Variants in SRCIN1 observed in about 807,000 individuals in gnomAD.
SRCIN1 encodes the protein P130Cas-associated protein.
SRCIN1 carries 50 observed loss-of-function variants against 116.2 expected under a neutral mutation model. That is an observed-to-expected ratio of 0.43 (90% CI 0.34 to 0.54). The LOEUF (loss-of-function observed/expected upper bound fraction) is 0.54. SRCIN1 is among the 20% of genes least tolerant of loss of function. SRCIN1 has a pLI of 0.02. For synonymous variants in SRCIN1, 736 were observed against 750.0 expected (o/e 0.98, Z 0.30); for missense variants, 1,446 against 1,672.0 (o/e 0.86, Z 2.36).
In SRCIN1 at chr17:38,552,587, G is replaced by A. The variant is rs200106879; in HGVS notation, c.2340C>T (p.Phe780=). Residue 780 remains phenylalanine (F), a synonymous_variant, in exon 13 of 19, where the codon TTC becomes TTT. Coordinates refer to ENST00000617146, the MANE Select transcript of SRCIN1 (RefSeq NM_025248.3). This position sits in a 1 kb window ranked among gnomAD's most constrained non-coding sequence, Gnocchi z 5.3. ...GETLTELKAH[F]PGLQSKMRVV... is the part of the protein sequence containing the mutation. ...CCCGCATCTTGCTCTGCAGGCCCGG[G>A]AAGTGAGCTGAGGAGACAGGAAGGC... 4 of 1,612,160 alleles carry A rather than the reference G, an allele frequency of 2.5e-6. No homozygotes were observed. Among genetic ancestry groups the A allele is most frequent in the African/African-American group, 1.3e-5 (1 of 75,018 alleles).
At chr17:38,539,073 G>C (rs1904566885) in intron 18 of SRCIN1, among the ~76,000 whole-genome samples, 1 of 152,138 alleles carries the variant, frequency 6.6e-6, no homozygotes, top group South Asian at 2.1e-4. Flanking sequence ...CCTGGATTGG[G>C]CCTGATTGGT....
rs1448467391 is a variant in SRCIN1, at chr17:38,531,785, C to T, written c.*1512G>A. On this transcript the variant is annotated 3_prime_UTR_variant, in exon 19 of 19. Coordinates refer to ENST00000617146, the MANE Select transcript of SRCIN1 (RefSeq NM_025248.3). ...CAGCTCTCCCCAGGTGCGGACCTTCCCCAGCCAGGCCCCAGGGTCTGGGGG... is the reference window on the plus strand; with the variant it reads ...CAGCTCTCCCCAGGTGCGGACCTTCTCCAGCCAGGCCCCAGGGTCTGGGGG... The T allele has an allele frequency of 6.6e-6, 1 of 152,612 alleles. No homozygotes were observed. The highest frequency in any genetic ancestry group is 1.5e-5 in the Non-Finnish European group (1 of 68,048). 9.5% of individuals were successfully genotyped at this position (152,612 alleles called of 1,614,324 possible). A position where few individuals can be genotyped will look rare whatever the true frequency, so the allele number is the denominator to read the frequency against.
In SRCIN1 at chr17:38,563,647, C is replaced by G. The variant is rs1906452052; in HGVS notation, c.542-126G>C. On this transcript the variant is annotated intron_variant, in intron 4 of 18. Transcript: ENST00000617146. This position sits in a 1 kb window ranked among gnomAD's most constrained non-coding sequence, Gnocchi z 5.8. ...GCAGGGTCTGAGGCTAGACGCCGCC[C>G]CCGAGTGCAGATGCACCCAGGCACC... The G allele has an allele frequency of 1.5e-6, 2 of 1,327,508 alleles. No homozygotes were observed. The highest frequency in any genetic ancestry group is 2.5e-5 in the East Asian group (1 of 39,904). The allele number at this position is 1,327,508 out of a possible 1,614,324, so 82.2% of individuals were successfully genotyped here. A position where few individuals can be genotyped will look rare whatever the true frequency, so the allele number is the denominator to read the frequency against.
chr17:38,561,444 C>G lies in SRCIN1; in HGVS notation c.1700+19G>C, dbSNP rs1906231740. Reference sequence around the variant, plus strand: ...CACCCCCCACCCCCAGTCCCTGAGGCCTGGTTAACGTCCCTCACCTGGTCT... The same window carrying G: ...CACCCCCCACCCCCAGTCCCTGAGGGCTGGTTAACGTCCCTCACCTGGTCT... On this transcript the variant is annotated intron_variant, in intron 7 of 18. Transcript: ENST00000617146. The G allele has an allele frequency of 1.3e-6, 2 of 1,512,298 alleles. No individual in the cohort carries two copies. Among genetic ancestry groups the G allele is most frequent in the Non-Finnish European group, 1.8e-6 (2 of 1,137,426 alleles). 93.7% of individuals were successfully genotyped at this position (1,512,298 alleles called of 1,614,324 possible).
In SRCIN1 at chr17:38,560,390, C is replaced by G. The variant is rs766206244; in HGVS notation, c.1736G>C (p.Ser579Thr). 6.2e-7 allele frequency: 1 copy of G among 1,612,046 alleles called. No homozygotes were observed. Among genetic ancestry groups the G allele is most frequent in the East Asian group, 2.2e-5 (1 of 44,864 alleles). Residue 579 changes from serine (S) to threonine (T), a missense_variant, in exon 8 of 19, where the codon AGC (serine) becomes ACC (threonine). Coordinates refer to ENST00000617146, the MANE Select transcript of SRCIN1 (RefSeq NM_025248.3). The part of the protein sequence containing the change: ...RMEAMEKQIA[S>T]LTGLVQSALL... ...GGCGCTCTGCACCAGGCCTGTGAGG[C>G]TGGCAATCTGCTTCTCCATGGCCTC...
chr17:38,553,072 T>C (rs77423210), intron 11 of SRCIN1, among the ~76,000 whole-genome samples: 4,248 of 152,020 alleles, frequency 0.028, 221 homozygotes, highest in African/African-American at 0.097. Context: ...CTGGGCAACA[T>C]AGGGAGACCT....
Position 38,561,991 on chromosome 17 carries a change from T to C in SRCIN1, c.1172A>G (p.Lys391Arg). 2 of 1,493,986 alleles carry C rather than the reference T, an allele frequency of 1.3e-6. No homozygotes were observed. Among genetic ancestry groups the C allele is most frequent in the Admixed American group, 2.2e-5 (1 of 45,248 alleles). 92.5% of individuals were successfully genotyped at this position (1,493,986 alleles called of 1,614,324 possible). A position where few individuals can be genotyped will look rare whatever the true frequency, so the allele number is the denominator to read the frequency against. ...GGGGTCAGCATAGAGGCCCTCGCCT[T>C]TCACCAGCACCATGCCGCCCGCCTT... ...ASKAGGMVLV[K>R]GEGLYADPYG... The change falls in exon 7 of 19, where the codon AAA becomes AGA. Residue 391 changes from lysine to arginine, a missense_variant. Transcript: ENST00000617146.
chr17:38,599,409 C>T (rs1478158666), intron 1 of SRCIN1, among the ~76,000 whole-genome samples: 5 of 152,208 alleles, frequency 3.3e-5, no homozygotes, highest in African/African-American at 1.2e-4. Context: ...GGGTCCCCTG[C>T]ACTCTGGCAA....
At position 38,548,796 on chromosome 17, in the gene SRCIN1, C is replaced by A; in HGVS notation, c.3118-87G>T. The A allele has an allele frequency of 2.1e-6, 3 of 1,440,574 alleles. No individual in the cohort carries two copies. The South Asian group carries it at 4.3e-5, about 21-fold the overall frequency. 89.2% of individuals were successfully genotyped at this position (1,440,574 alleles called of 1,614,324 possible). ...CCCAGGCCCCATCGCCCATGTACCC[C>A]AGCTTCTCGTCTGCTACTTCTGCTG... On this transcript the variant is annotated intron_variant, in intron 16 of 18. Coordinates refer to ENST00000617146, the MANE Select transcript of SRCIN1 (RefSeq NM_025248.3).
In SRCIN1 at chr17:38,570,942, T is replaced by C. The variant is rs137880637; in HGVS notation, c.325-2711A>G. 6.1e-3 allele frequency among the ~76,000 whole-genome samples: 926 copies of C among 152,374 alleles called. 1 individual carries two copies. The highest frequency in any genetic ancestry group is 0.01 in the Middle Eastern group (3 of 294). On this transcript the variant is annotated intron_variant, in intron 2 of 18. Coordinates refer to ENST00000617146, the MANE Select transcript of SRCIN1 (RefSeq NM_025248.3). The stretch of plus-strand genomic sequence containing the variant: ...AAATCTGGAACTTCAGGCTCTGATC[T>C]ATAGAGCACATGAGTGAATCCTGCC...
At chr17:38,543,538 A>C (rs1386870296) in intron 18 of SRCIN1, among the ~76,000 whole-genome samples, 1 of 152,234 alleles carries the variant, frequency 6.6e-6, no homozygotes, top group Non-Finnish European at 1.5e-5. Context: ...AGGAGCCAGC[A>C]GTGGCAGCTG....
chr17:38,601,258 A>G (rs548440270), intron 1 of SRCIN1: 1 of 152,412 alleles, frequency 6.6e-6, no homozygotes, highest in East Asian at 1.9e-4. Context: ...TGCTTTTTCC[A>G]CCAGGGTCTT....
chr17:38,581,866 G>A (rs781677204), intron 1 of SRCIN1, among the ~76,000 whole-genome samples: 3 of 152,168 alleles, frequency 2.0e-5, no homozygotes, highest in Non-Finnish European at 2.9e-5. Context: ...TCCAACCAAA[G>A]TCAGAGGGTT....
intron 1 of SRCIN1, among the ~76,000 whole-genome samples, chr17:38,588,308 G>A (rs1038861240): frequency 2.0e-5 from 3 of 152,248 alleles, no homozygotes; most frequent in African/African-American, 7.2e-5. Context: ...CAGAGATATG[G>A]AGGGCAGCAT....
chr17:38,554,851 C>T (rs544688174), intron 11 of SRCIN1, among the ~76,000 whole-genome samples: 1 of 152,358 alleles, frequency 6.6e-6, no homozygotes, highest in Admixed American at 6.5e-5. Flanking sequence ...TGTTGGATTT[C>T]AGCTCAATCC....
At chr17:38,539,281 G>T (rs975664251) in intron 18 of SRCIN1, among the ~76,000 whole-genome samples, 3 of 152,062 alleles carry the variant, frequency 2.0e-5, no homozygotes, top group Admixed American at 6.6e-5. Flanking sequence ...ATTATGGGGG[G>T]GCTCACGTAT....
At chr17:38,557,924 G>A (rs1246126322) in intron 11 of SRCIN1, among the ~76,000 whole-genome samples, 1 of 152,192 alleles carries the variant, frequency 6.6e-6, no homozygotes, top group African/African-American at 2.4e-5. Flanking sequence ...AGGGAAATCA[G>A]GCAGCTGGCC....
Position 38,564,326 on chromosome 17 carries a change from G to C in SRCIN1, c.346-13C>G, listed in dbSNP as rs1335182321. The C allele has an allele frequency of 6.5e-7, 1 of 1,533,700 alleles. No individual in the cohort carries two copies. The highest frequency in any genetic ancestry group is 8.7e-7 in the Non-Finnish European group (1 of 1,144,024). On this transcript the variant is annotated splice_polypyrimidine_tract_variant and intron_variant, in intron 3 of 18. Transcript: ENST00000617146. Reference sequence around the variant, plus strand: ...GTGAGCTGCGGGTCTGCAGGGGCCGGGCAGGGTGAGAGGAACCAAGGATGA... The same window carrying C: ...GTGAGCTGCGGGTCTGCAGGGGCCGCGCAGGGTGAGAGGAACCAAGGATGA...
chr17:38,592,395 C>T (rs1247660953), intron 1 of SRCIN1, among the ~76,000 whole-genome samples: 2 of 152,290 alleles, frequency 1.3e-5, no homozygotes, highest in East Asian at 3.9e-4. Flanking sequence ...TGCACCTCAA[C>T]CAGGTGGTCA....
Sources: gnomAD v4.1 joint callset for allele counts (sites outside exome capture counted in the v4.1 genomes callset) on GRCh38, gnomAD v4.1.1 for gene constraint, Gnocchi (gnomAD v3.1) non-coding constraint, MANE v1.5 for transcripts, NCBI Gene and HGNC (gene_info 2026-07-23, HGNC 2026-07-21) for gene names.